SHROOM2: variants seen among roughly 807,000 people sequenced by gnomAD.
The protein encoded by SHROOM2 is shroom family member 2.
A neutral mutation model predicts 75.9 loss-of-function variants in SHROOM2; 33 were observed. The ratio of observed to expected loss-of-function variants is 0.43; its 90% CI spans 0.33 to 0.58. The LOEUF is 0.58. Among genes scored for constraint, SHROOM2 ranks in the 20% least tolerant of loss-of-function variants. SHROOM2 has a pLI of 0.04. For missense variants in SHROOM2, 1,434 were observed against 1,461.2 expected (o/e 0.98, Z 0.30); for synonymous variants, 655 against 663.6 (o/e 0.99, Z 0.20).
chrX:9,936,194 T>A (rs1216270016), intron 6 of SHROOM2, among the ~76,000 whole-genome samples: 1 of 110,398 alleles, frequency 9.1e-6, no homozygotes, highest in East Asian at 2.8e-4. Context: ...TCACTGCAAC[T>A]TCTGCTTCCC....
intron 5 of SHROOM2, among the ~76,000 whole-genome samples, chrX:9,913,709 G>A (rs571743783): frequency 1.8e-5 from 2 of 112,374 alleles, no homozygotes; most frequent in African/African-American, 6.5e-5. Context: ...AGGTAAAAAG[G>A]CAAAGGAGTT....
At chrX:9,897,680 C>CAAAAAAAAAAAAAAA (rs56026461) in intron 4 of SHROOM2, among the ~76,000 whole-genome samples, 17 of 70,573 alleles carry the variant, frequency 2.4e-4, no homozygotes, top group African/African-American at 1.0e-3. Context: ...GACCCTGTCT[C>CAAAAAAAAAAAAAAA]AAAAAAAAAA....
At chrX:9,910,594 A>G (rs1373428101) in intron 5 of SHROOM2, among the ~76,000 whole-genome samples, 1 of 110,026 alleles carries the variant, frequency 9.1e-6, no homozygotes, top group Non-Finnish European at 1.9e-5. Flanking sequence ...AGGCGGGCGT[A>G]TCACTTGAGG....
In SHROOM2 at chrX:9,895,910, G is replaced by A. The variant is rs1410249392; in HGVS notation, c.2002G>A (p.Gly668Arg). 1 of 1,197,955 alleles carries A rather than the reference G, an allele frequency of 8.3e-7. No individual in the cohort carries two copies. The highest frequency in any genetic ancestry group is 1.1e-6 in the Non-Finnish European group (1 of 888,751). ...DGTGRWRAGL[G>R]GGTQEGPLAG... ...CACCGGCCGCTGGAGGGCCGGGTTG[G>A]GAGGTGGCACCCAGGAAGGACCCCT... Residue 668 changes from glycine (G) to arginine (R), a missense_variant, in exon 4 of 10, where the codon GGA becomes AGA. Around this residue, in one of 3 missense-constraint regions of SHROOM2, gnomAD observed 1,340 missense variants for 1,338.3 expected, o/e 1.00. Coordinates refer to ENST00000380913, the MANE Select transcript of SHROOM2 (RefSeq NM_001649.4).
In SHROOM2 at chrX:9,895,022, T is replaced by C. The variant is rs779132176; in HGVS notation, c.1114T>C (p.Ser372Pro). Residue 372 changes from serine to proline, a missense_variant, in exon 4 of 10, where the codon TCA becomes CCA. Transcript: ENST00000380913. ...AGAGCTCACCGATCGGCCTTGGAGG[T>C]CAGCACACCCGGGGAGCCTCGGGAA... ...RPELTDRPWR[S>P]AHPGSLGKGS... 8.3e-6 allele frequency: 10 copies of C among 1,205,985 alleles called. No homozygotes were observed. The Admixed American group carries it at 2.0e-4, about 24-fold the overall frequency.
Position 9,857,110 on chromosome X carries a change from G to A in SHROOM2, c.166-16542G>A, listed in dbSNP as rs965999213. ...CTGATAGAGAAGTCAAATTTGAAGA[G>A]GCAGAAAGAGGACACGAAGGTGACA... On this transcript the variant is annotated intron_variant, in intron 1 of 9. Transcript: ENST00000380913. Among the ~76,000 whole-genome samples, 5 of 112,730 alleles carry A rather than the reference G, an allele frequency of 4.4e-5. 1 individual carries two copies. The highest frequency in any genetic ancestry group is 1.9e-4 in the Admixed American group (2 of 10,663).
chrX:9,897,362 A>G (rs1158424185), intron 4 of SHROOM2, among the ~76,000 whole-genome samples: 1 of 110,349 alleles, frequency 9.1e-6, no homozygotes, highest in Non-Finnish European at 1.9e-5. Flanking sequence ...TTTTCTCCCT[A>G]TTACATCTGC....
intron 7 of SHROOM2, among the ~76,000 whole-genome samples, chrX:9,938,927 G>C (rs1048715500): frequency 8.9e-6 from 1 of 112,726 alleles, no homozygotes; most frequent in Admixed American, 9.4e-5. Flanking sequence ...CTCTGTAGCA[G>C]AGATTCTTAG....
chrX:9,940,397 C>T (rs3788950), intron 8 of SHROOM2, among the ~76,000 whole-genome samples: 22,018 of 110,924 alleles, frequency 0.2, 2,048 homozygotes, highest in African/African-American at 0.35. Flanking sequence ...GATTCTGCCG[C>T]CCTCATCTGT....
At chrX:9,818,718 T>G (rs555927598) in intron 1 of SHROOM2, 1 of 443,190 alleles carries the variant, frequency 2.3e-6, no homozygotes, top group South Asian at 2.9e-5. Context: ...CATCCAGTCC[T>G]TCTGCTTCAG....
At chrX:9,906,854 G>GACA (rs961512140) in intron 5 of SHROOM2, among the ~76,000 whole-genome samples, 4 of 112,882 alleles carry the variant, frequency 3.5e-5, no homozygotes, top group African/African-American at 1.3e-4. Flanking sequence ...TTCAGAGATT[G>GACA]ACAAAGTTTG....
chrX:9,908,439 G>A (rs2084403103), intron 5 of SHROOM2, among the ~76,000 whole-genome samples: 1 of 111,708 alleles, frequency 9.0e-6, no homozygotes, highest in South Asian at 3.7e-4. Context: ...AATGTTTTGT[G>A]TCAATTAAAA....
At chrX:9,880,928 T>C (rs1265126012) in intron 2 of SHROOM2, among the ~76,000 whole-genome samples, 1 of 111,426 alleles carries the variant, frequency 9.0e-6, no homozygotes, top group Non-Finnish European at 1.9e-5. Context: ...AAAAACCATT[T>C]AGAATAGTTG....
intron 1 of SHROOM2, among the ~76,000 whole-genome samples, chrX:9,850,533 C>G (rs1021804276): frequency 5.4e-5 from 6 of 111,508 alleles, no homozygotes; most frequent in Non-Finnish European, 1.1e-4. Flanking sequence ...CTGTGGCACC[C>G]CATGTCCTTA....
chrX:9,880,361 G>A (rs1360535147), intron 2 of SHROOM2, among the ~76,000 whole-genome samples: 2 of 113,148 alleles, frequency 1.8e-5, no homozygotes, highest in African/African-American at 6.4e-5. Flanking sequence ...CCCACATGGA[G>A]CACACTGAGC....
intron 1 of SHROOM2, among the ~76,000 whole-genome samples, chrX:9,800,138 C>G (rs1370628421): frequency 2.7e-5 from 3 of 111,085 alleles, no homozygotes; most frequent in African/African-American, 9.8e-5. Flanking sequence ...GTGGTTTGCT[C>G]CAGTGACTGC....
intron 5 of SHROOM2, among the ~76,000 whole-genome samples, chrX:9,911,661 T>C (rs1044377416): frequency 8.1e-5 from 9 of 110,779 alleles, no homozygotes; most frequent in African/African-American, 3.0e-4. Context: ...TGTGAAATGG[T>C]TAATTGGGAA....
At chrX:9,917,510 T>C (rs1157411890) in intron 5 of SHROOM2, among the ~76,000 whole-genome samples, 1 of 109,372 alleles carries the variant, frequency 9.1e-6, no homozygotes, top group Non-Finnish European at 1.9e-5. Flanking sequence ...TCTTTGTTGT[T>C]GTTGTTGTTG....
At chrX:9,870,700 T>C (rs2084166475) in intron 1 of SHROOM2, among the ~76,000 whole-genome samples, 1 of 112,367 alleles carries the variant, frequency 8.9e-6, no homozygotes, top group Admixed American at 9.5e-5. Flanking sequence ...AATTGGATGT[T>C]TACATTGTCA....
Sources: allele counts gnomAD v4.1 joint callset (sites outside exome capture counted in the v4.1 genomes callset), GRCh38; gene constraint gnomAD v4.1.1; regional missense constraint gnomAD v4.1.1; transcripts MANE v1.5; gene names NCBI Gene and HGNC (gene_info 2026-07-23, HGNC 2026-07-21).